Variants in LARGE1 observed in about 807,000 individuals in gnomAD.
LARGE1 encodes the protein xylosyl- and glucuronyltransferase LARGE1.
Under a neutral mutation model 87.6 loss-of-function variants are expected in LARGE1, and 43 were observed. The ratio of observed to expected loss-of-function variants is 0.49; its 90% CI spans 0.38 to 0.63. The LOEUF (loss-of-function observed/expected upper bound fraction) is 0.63, where lower values mean the gene tolerates loss of function less well. Among genes scored for constraint, LARGE1 ranks in the 30% least tolerant of loss-of-function variants. LARGE1 has a pLI of 0.00. For synonymous variants in LARGE1, 434 were observed against 394.6 expected (o/e 1.10, Z -1.18); for missense variants, 802 against 1,000.2 (o/e 0.80, Z 2.67).
intron 11 of LARGE1, among the ~76,000 whole-genome samples, chr22:33,173,114 G>A (rs976210359): frequency 6.6e-6 from 1 of 152,142 alleles, no homozygotes; most frequent in Non-Finnish European, 1.5e-5. Context: ...AGAGAGAAAG[G>A]TCGGGTTGCC....
At chr22:33,459,789 G>A (rs184165234) in intron 6 of LARGE1, among the ~76,000 whole-genome samples, 1 of 150,058 alleles carries the variant, frequency 6.7e-6, no homozygotes, top group Non-Finnish European at 1.5e-5. Flanking sequence ...CTGGTCCATA[G>A]TGGCTCTGAG....
At chr22:33,648,169 C>T (rs1323397829) in intron 3 of LARGE1, among the ~76,000 whole-genome samples, 3 of 152,194 alleles carry the variant, frequency 2.0e-5, no homozygotes, top group African/African-American at 4.8e-5. Context: ...AGGATTTAGA[C>T]TCACAACTCC....
At chr22:33,812,551 G>C (rs1261493388) in intron 1 of LARGE1, among the ~76,000 whole-genome samples, 1 of 152,194 alleles carries the variant, frequency 6.6e-6, no homozygotes, top group East Asian at 1.9e-4. Context: ...TCATCAGTGA[G>C]GCCTCACTCA....
chr22:33,400,984 T>C (rs2065909178), intron 7 of LARGE1, among the ~76,000 whole-genome samples: 1 of 152,218 alleles, frequency 6.6e-6, no homozygotes, highest in African/African-American at 2.4e-5. Flanking sequence ...TGGGATCACC[T>C]GGCATCCCCT....
chr22:33,199,367 T>C (rs974588725), intron 11 of LARGE1, among the ~76,000 whole-genome samples: 4 of 152,198 alleles, frequency 2.6e-5, no homozygotes, highest in African/African-American at 9.7e-5. Flanking sequence ...TTTAATTAAG[T>C]CCCATTTATC....
intron 9 of LARGE1, among the ~76,000 whole-genome samples, chr22:33,359,509 G>C (rs2064302085): frequency 6.6e-6 from 1 of 151,452 alleles, no homozygotes; most frequent in African/African-American, 2.4e-5. Flanking sequence ...AAACACACCT[G>C]AGAGCAGCAA....
chr22:33,187,170 T>C (rs757008946), intron 11 of LARGE1, among the ~76,000 whole-genome samples: 9 of 152,214 alleles, frequency 5.9e-5, no homozygotes, highest in Non-Finnish European at 1.3e-4. Context: ...AACCGATTTG[T>C]TGAGGAAGTA....
chr22:33,440,983 A>G (rs997632020), intron 6 of LARGE1, among the ~76,000 whole-genome samples: 1 of 151,808 alleles, frequency 6.6e-6, no homozygotes, highest in South Asian at 2.1e-4. Context: ...AAGAGCCAGG[A>G]GCCAAAACCA....
chr22:33,678,750 G>A (rs983571233), intron 2 of LARGE1, among the ~76,000 whole-genome samples: 4 of 152,150 alleles, frequency 2.6e-5, no homozygotes, highest in African/African-American at 9.7e-5. Context: ...AGAGCAGAGC[G>A]CACCATGGGA....
At chr22:33,538,065 A>AG (rs2077091099) in intron 6 of LARGE1, among the ~76,000 whole-genome samples, 1 of 152,130 alleles carries the variant, frequency 6.6e-6, no homozygotes, top group South Asian at 2.1e-4. Context: ...CCACATCCAC[A>AG]GGTCATGGTG....
chr22:33,682,639 T>C (rs79939812), intron 2 of LARGE1, among the ~76,000 whole-genome samples: 3 of 152,340 alleles, frequency 2.0e-5, no homozygotes, highest in Non-Finnish European at 4.4e-5. Flanking sequence ...ATCTAAGCTC[T>C]TGGGAAATAG....
intron 13 of LARGE1, among the ~76,000 whole-genome samples, chr22:33,280,227 A>G (rs1930156873): frequency 6.6e-6 from 1 of 151,368 alleles, no homozygotes; most frequent in Non-Finnish European, 1.5e-5. Flanking sequence ...AAACGGACAC[A>G]GCAATATCTA....
chr22:33,135,862 T>C, the LARGE1 span, among the ~76,000 whole-genome samples: 1 of 148,634 alleles, frequency 6.7e-6, no homozygotes, highest in Non-Finnish European at 1.5e-5. Context: ...TAAAACAAAA[T>C]AAAATAAAAT....
At chr22:33,499,067 T>G (rs1308353455) in intron 6 of LARGE1, among the ~76,000 whole-genome samples, 1 of 152,086 alleles carries the variant, frequency 6.6e-6, no homozygotes, top group Non-Finnish European at 1.5e-5. Flanking sequence ...GGCAATTGTG[T>G]ATATAACTTT....
chr22:33,741,064 G>A (rs1477696958), intron 2 of LARGE1, among the ~76,000 whole-genome samples: 2 of 152,240 alleles, frequency 1.3e-5, no homozygotes, highest in Non-Finnish European at 2.9e-5. Flanking sequence ...AATTGCAAAT[G>A]TGAAGGCTAC....
chr22:33,176,340 A>G (rs1015779083), intron 11 of LARGE1, among the ~76,000 whole-genome samples: 6 of 152,236 alleles, frequency 3.9e-5, no homozygotes, highest in African/African-American at 1.4e-4. Context: ...TGCACAGCAA[A>G]AGAAACTATC....
intron 2 of LARGE1, among the ~76,000 whole-genome samples, chr22:33,667,441 G>T (rs1270183585): frequency 6.6e-6 from 1 of 152,198 alleles, no homozygotes; most frequent in Non-Finnish European, 1.5e-5. Context: ...TTACTCCCAG[G>T]AGAAAAGCCA....
At chr22:33,205,948 CTTTTT>C (rs386395258) in intron 11 of LARGE1, among the ~76,000 whole-genome samples, 1 of 84,988 alleles carries the variant, frequency 1.2e-5, no homozygotes, top group African/African-American at 4.7e-5. Flanking sequence ...CATGCTAATT[CTTTTT>C]TTTTTTTTTT....
intron 1 of LARGE1, among the ~76,000 whole-genome samples, chr22:33,817,031 T>C (rs945661639): frequency 1.1e-4 from 17 of 152,158 alleles, no homozygotes; most frequent in Admixed American, 8.5e-4. Context: ...CACACACATA[T>C]ACATTTATAT....
Sources: gnomAD v4.1 joint callset for allele counts (sites outside exome capture counted in the v4.1 genomes callset) on GRCh38, gnomAD v4.1.1 for gene constraint, MANE v1.5 for transcripts, NCBI Gene and HGNC (gene_info 2026-07-23, HGNC 2026-07-21) for gene names.